Variants in DGKB observed in about 807,000 individuals in gnomAD.
The protein encoded by DGKB is 90 kDa diacylglycerol kinase.
A neutral mutation model predicts 114.3 loss-of-function variants in DGKB; 67 were observed. The observed-to-expected ratio is 0.59, with a 90% CI of 0.48 to 0.72. The LOEUF (loss-of-function observed/expected upper bound fraction) is 0.72, where lower values mean the gene tolerates loss of function less well. Ranked by LOEUF, DGKB falls within the 30% of genes least tolerant of loss-of-function variation. DGKB has a pLI of 0.00. For missense variants in DGKB, 907 were observed against 975.2 expected (o/e 0.93, Z 0.93); for synonymous variants, 398 against 323.1 (o/e 1.23, Z -2.49).
chr7:14,627,479 AGGGAAT>A (rs754242154), intron 14 of DGKB, among the ~76,000 whole-genome samples: 5 of 152,084 alleles, frequency 3.3e-5, no homozygotes, highest in Non-Finnish European at 7.4e-5. Context: ...TTCTTATTGG[AGGGAAT>A]GAAATTTAGG....
At chr7:14,311,616 G>C (rs1399790639) in intron 23 of DGKB, among the ~76,000 whole-genome samples, 3 of 152,066 alleles carry the variant, frequency 2.0e-5, no homozygotes, top group South Asian at 4.1e-4. Context: ...TGTAGAGACA[G>C]AGTTTTGCCA....
intron 20 of DGKB, among the ~76,000 whole-genome samples, chr7:14,537,604 C>T (rs1363352990): frequency 4.6e-5 from 7 of 152,136 alleles, no homozygotes; most frequent in African/African-American, 1.7e-4. Flanking sequence ...TGAAATCAGA[C>T]ACTTATCCCA....
At chr7:14,577,588 G>A (rs1013938365) in intron 19 of DGKB, among the ~76,000 whole-genome samples, 2 of 151,924 alleles carry the variant, frequency 1.3e-5, no homozygotes, top group Non-Finnish European at 2.9e-5. Flanking sequence ...CTGCACTCCA[G>A]CCTGGGCCAA....
intron 20 of DGKB, among the ~76,000 whole-genome samples, chr7:14,562,369 C>G (rs1038604191): frequency 6.6e-6 from 1 of 152,196 alleles, no homozygotes; most frequent in African/African-American, 2.4e-5. Flanking sequence ...AGAGTCCCCA[C>G]TGGGACACTG....
chr7:14,701,364 C>A (rs575964569), intron 7 of DGKB, among the ~76,000 whole-genome samples: 4 of 152,176 alleles, frequency 2.6e-5, no homozygotes, highest in Non-Finnish European at 5.9e-5. Context: ...CATTCTAAAT[C>A]AATGGTTTCA....
chr7:14,606,646 A>T (rs1462190392), intron 17 of DGKB, among the ~76,000 whole-genome samples: 1 of 151,950 alleles, frequency 6.6e-6, no homozygotes, highest in Non-Finnish European at 1.5e-5. Context: ...GCTTCTGTCC[A>T]CTTCATGTGG....
At chr7:14,261,998 C>T (rs1309334389) in intron 23 of DGKB, among the ~76,000 whole-genome samples, 4 of 152,122 alleles carry the variant, frequency 2.6e-5, no homozygotes, top group African/African-American at 7.2e-5. Flanking sequence ...ATACGCACTG[C>T]AGAAGACTTT....
intron 1 of DGKB, among the ~76,000 whole-genome samples, chr7:14,899,115 T>G (rs1320349485): frequency 6.6e-6 from 1 of 152,162 alleles, no homozygotes; most frequent in Non-Finnish European, 1.5e-5. Context: ...CAAGTGACAG[T>G]AATCATGTTA....
chr7:14,520,083 G>A lies in DGKB; in HGVS notation c.1771-41858C>T, dbSNP rs118158929. Among the ~76,000 whole-genome samples the A allele has an allele frequency of 8.8e-3, 1,337 of 151,082 alleles. 19 individuals are homozygous for A. Among genetic ancestry groups the A allele is most frequent in the African/African-American group, 0.029 (1,189 of 41,262 alleles). On this transcript the variant is annotated intron_variant, in intron 20 of 25. Coordinates refer to ENST00000402815, the MANE Select transcript of DGKB (RefSeq NM_001350709.2). Reference sequence around the variant, plus strand: ...CAATTTATCTTATTTTTTATTTATGGGTCTTTCAATATAATGTCTAAAGAC... The same window carrying A: ...CAATTTATCTTATTTTTTATTTATGAGTCTTTCAATATAATGTCTAAAGAC...
chr7:14,937,355 C>T (rs1274913555), intron 1 of DGKB, among the ~76,000 whole-genome samples: 1 of 151,928 alleles, frequency 6.6e-6, no homozygotes, highest in Admixed American at 6.6e-5. Flanking sequence ...TCTATATTTA[C>T]AAGAATCCAG....
intron 23 of DGKB, among the ~76,000 whole-genome samples, chr7:14,302,767 T>G (rs1803782152): frequency 6.6e-6 from 1 of 152,132 alleles, no homozygotes; most frequent in Non-Finnish European, 1.5e-5. Flanking sequence ...CATATCGCCT[T>G]GTTTATTTCC....
intron 21 of DGKB, among the ~76,000 whole-genome samples, chr7:14,434,588 T>C (rs1441373240): frequency 1.3e-5 from 2 of 152,178 alleles, no homozygotes; most frequent in African/African-American, 2.4e-5. Flanking sequence ...AAGCAGCTCA[T>C]TGGACACTTT....
At chr7:14,840,666 G>A (rs1847800177) in intron 2 of DGKB, among the ~76,000 whole-genome samples, 2 of 149,168 alleles carry the variant, frequency 1.3e-5, no homozygotes, top group South Asian at 4.2e-4. Flanking sequence ...ATTCCATAAT[G>A]TATCTATGAC....
chr7:14,754,194 G>C (rs1834528821), intron 3 of DGKB, among the ~76,000 whole-genome samples: 1 of 152,034 alleles, frequency 6.6e-6, no homozygotes, highest in Non-Finnish European at 1.5e-5. Context: ...CGTGGGGTCG[G>C]GGGGAGGCAG....
chr7:14,248,659 T>G lies in DGKB; in HGVS notation c.2123-70508A>C, dbSNP rs112224425. ...TTCTTTTTCTGTAGTTCCTTTTCAG[T>G]TTATAGAAGTGCAACTAACTTTTGT... On this transcript the variant is annotated intron_variant, in intron 23 of 25. Transcript: ENST00000402815. 4.9e-3 allele frequency among the ~76,000 whole-genome samples: 753 copies of G among 152,184 alleles called. 5 individuals carry two copies. The highest frequency in any genetic ancestry group is 0.017 in the African/African-American group (721 of 41,558).
At chr7:14,351,874 G>A (rs990016569) in intron 21 of DGKB, among the ~76,000 whole-genome samples, 1 of 151,806 alleles carries the variant, frequency 6.6e-6, no homozygotes, top group Non-Finnish European at 1.5e-5. Flanking sequence ...CTAAACTCAG[G>A]CTTTTTTGTT....
chr7:14,585,822 G>A (rs1242243795), intron 17 of DGKB, among the ~76,000 whole-genome samples: 2 of 151,998 alleles, frequency 1.3e-5, no homozygotes, highest in African/African-American at 4.8e-5. Context: ...ATCTGTTATG[G>A]TGATCTCTGA....
At chr7:14,570,503 T>C (rs1798226657) in intron 20 of DGKB, among the ~76,000 whole-genome samples, 1 of 152,162 alleles carries the variant, frequency 6.6e-6, no homozygotes, top group Non-Finnish European at 1.5e-5. Context: ...AATACTCTAC[T>C]GTTGACTGGA....
rs554501266 is a variant in DGKB at position 14,791,229 on chromosome 7, C to A, written c.71-33498G>T. Among the ~76,000 whole-genome samples the A allele has an allele frequency of 5.8e-4, 88 of 152,194 alleles. 1 individual carries two copies. Among genetic ancestry groups the A allele is most frequent in the African/African-American group, 2.1e-3 (86 of 41,540 alleles). ...GTAAATGATATTGTATTTTGAATTT[C>A]ATTGTCAATATATAGAAATACAATT... On this transcript the variant is annotated intron_variant, in intron 2 of 25. Transcript: ENST00000402815.
Sources: allele counts gnomAD v4.1 joint callset (sites outside exome capture counted in the v4.1 genomes callset), GRCh38; gene constraint gnomAD v4.1.1; transcripts MANE v1.5; gene names NCBI Gene and HGNC (gene_info 2026-07-23, HGNC 2026-07-21).